RAP1GAP2: variants seen among roughly 807,000 people sequenced by gnomAD.
RAP1GAP2 encodes the protein RAP1 GTPase activating protein 2.
Under a neutral mutation model 95.0 loss-of-function variants are expected in RAP1GAP2, and 27 were observed. The observed-to-expected ratio is 0.28, with a 90% CI of 0.21 to 0.39. The LOEUF (loss-of-function observed/expected upper bound fraction) is 0.39. RAP1GAP2 is among the 10% of genes least tolerant of loss of function. The pLI is 1.00. For missense variants in RAP1GAP2, 771 were observed against 970.0 expected (o/e 0.79, Z 2.72); for synonymous variants, 373 against 380.9 (o/e 0.98, Z 0.24).
intron 3 of RAP1GAP2, among the ~76,000 whole-genome samples, chr17:2,948,581 G>T (rs879462745): frequency 3.2e-4 from 48 of 149,380 alleles, no homozygotes; most frequent in Admixed American, 1.6e-3. Context: ...GGACTCGGGT[G>T]CAACAAGAGG....
intron 3 of RAP1GAP2, among the ~76,000 whole-genome samples, chr17:2,942,724 T>C (rs2151434725): frequency 6.6e-6 from 1 of 152,322 alleles, no homozygotes; most frequent in East Asian, 1.9e-4. Context: ...CGTTTAGTAC[T>C]TTTGTGATGT....
chr17:3,009,769 G>A (rs7225656), intron 17 of RAP1GAP2, among the ~76,000 whole-genome samples: 64,531 of 151,884 alleles, frequency 0.42, 14,037 homozygotes, highest in Middle Eastern at 0.58. Context: ...GTGGGAGCCC[G>A]GGTGAAATAG....
In RAP1GAP2 at chr17:2,904,710, C is replaced by T. The variant is rs1031555918; in HGVS notation, c.81-574C>T. Among the ~76,000 whole-genome samples the T allele has an allele frequency of 1.3e-5, 2 of 152,030 alleles. No homozygotes were observed. The highest frequency in any genetic ancestry group is 2.1e-4 in the South Asian group (1 of 4,826). Reference sequence around the variant, plus strand: ...GAATGACCTGGAGAGCTCGTTGGAGCGCAGGTTCCTGGGCTCATCACTGGA... The same window carrying T: ...GAATGACCTGGAGAGCTCGTTGGAGTGCAGGTTCCTGGGCTCATCACTGGA... On this transcript the variant is annotated intron_variant, in intron 2 of 24. Transcript: ENST00000254695. This position sits in a 1 kb window ranked among gnomAD's most constrained non-coding sequence, Gnocchi z 4.7.
At chr17:2,835,154 C>T (rs1022104245) in intron 2 of RAP1GAP2, among the ~76,000 whole-genome samples, 1 of 151,368 alleles carries the variant, frequency 6.6e-6, no homozygotes, top group African/African-American at 2.4e-5. Context: ...GATCTCCTGA[C>T]CTTGTGATCC....
intron 16 of RAP1GAP2, among the ~76,000 whole-genome samples, chr17:3,007,267 G>C (rs1227887683): frequency 6.6e-6 from 1 of 152,190 alleles, no homozygotes; most frequent in East Asian, 1.9e-4. Flanking sequence ...TTAGGCAGGA[G>C]AGTGAGGGGC....
At chr17:2,858,191 G>T (rs2072226827) in intron 2 of RAP1GAP2, among the ~76,000 whole-genome samples, 1 of 152,182 alleles carries the variant, frequency 6.6e-6, no homozygotes, top group South Asian at 2.1e-4. Context: ...TAGCATAAAT[G>T]AAAACAAGTC....
intron 2 of RAP1GAP2, among the ~76,000 whole-genome samples, chr17:2,822,645 T>G (rs545820041): frequency 1.8e-4 from 27 of 150,036 alleles, no homozygotes; most frequent in Admixed American, 2.6e-4. Flanking sequence ...TTTTTTTTTT[T>G]TTTTTAAGAA....
chr17:2,772,865 T>TATTATA (rs1291361669), upstream of RAP1GAP2, among the ~76,000 whole-genome samples: 37 of 148,694 alleles, frequency 2.5e-4, no homozygotes, highest in African/African-American at 8.6e-4. Flanking sequence ...CTTTTTTTTT[T>TATTATA]TTTTTTTTTT....
chr17:2,775,689 T>C (rs2068483684), upstream of RAP1GAP2, among the ~76,000 whole-genome samples: 1 of 152,114 alleles, frequency 6.6e-6, no homozygotes. Context: ...TGCCTGAGGA[T>C]GGAGTGGGCT....
intron 3 of RAP1GAP2, among the ~76,000 whole-genome samples, chr17:2,940,118 C>A (rs1303387924): frequency 6.6e-6 from 1 of 152,114 alleles, no homozygotes; most frequent in Non-Finnish European, 1.5e-5. Context: ...CCGTCCAGGC[C>A]CTGCTGCCTG....
intron 2 of RAP1GAP2, among the ~76,000 whole-genome samples, chr17:2,862,426 G>A (rs1028010189): frequency 1.2e-4 from 18 of 152,064 alleles, no homozygotes; most frequent in African/African-American, 4.3e-4. Context: ...AGGCCTGTTC[G>A]GTGAAATCAA....
intron 3 of RAP1GAP2, among the ~76,000 whole-genome samples, chr17:2,922,826 G>GTTTTTTT (rs138075669): frequency 2.1e-5 from 2 of 93,728 alleles, no homozygotes; most frequent in Non-Finnish European, 3.8e-5. Context: ...TTTTCTTTTT[G>GTTTTTTT]TTTTTGTTTT....
chr17:2,942,691 T>A (rs1597674672), intron 3 of RAP1GAP2, among the ~76,000 whole-genome samples: 1 of 152,190 alleles, frequency 6.6e-6, no homozygotes, highest in Admixed American at 6.6e-5. Context: ...AAATTAATGA[T>A]CTTAAAGTGA....
At chr17:2,982,271 T>C (rs754368945) in intron 10 of RAP1GAP2, among the ~76,000 whole-genome samples, 1 of 152,198 alleles carries the variant, frequency 6.6e-6, no homozygotes. Flanking sequence ...CCCAAGTAGC[T>C]GGGACTACAG....
Position 2,945,632 on chromosome 17 carries a change from G to A in RAP1GAP2, c.166-12127G>A, listed in dbSNP as rs551488891. The stretch of plus-strand genomic sequence containing the variant: ...TCTTTTTTTTTTTAATGCCTTTTAT[G>A]TCAAGGAAGTTCCCTTTTATTCTTA... On this transcript the variant is annotated intron_variant, in intron 3 of 24. Coordinates refer to ENST00000254695, the MANE Select transcript of RAP1GAP2 (RefSeq NM_015085.5). 1.2e-3 allele frequency among the ~76,000 whole-genome samples: 180 copies of A among 150,882 alleles called. 6 individuals are homozygous for A. The South Asian group carries it at 0.035, about 30-fold the overall frequency.
intron 11 of RAP1GAP2, among the ~76,000 whole-genome samples, chr17:2,987,746 A>G (rs2045605563): frequency 6.6e-6 from 1 of 152,236 alleles, no homozygotes; most frequent in African/African-American, 2.4e-5. Flanking sequence ...TCTAAAAAAA[A>G]AATACTGTAA....
chr17:2,983,394 AGTGC>A (rs2045443308), intron 10 of RAP1GAP2, among the ~76,000 whole-genome samples: 1 of 152,166 alleles, frequency 6.6e-6, no homozygotes, highest in South Asian at 2.1e-4. Context: ...TTCTCATTCA[AGTGC>A]GTTGACATGC....
chr17:2,802,443 T>G (rs6502518), intron 2 of RAP1GAP2, among the ~76,000 whole-genome samples: 2 of 152,034 alleles, frequency 1.3e-5, no homozygotes, highest in Non-Finnish European at 2.9e-5. Context: ...GATGTGGTGG[T>G]TCACGCCTGT....
chr17:3,005,259 T>A lies in RAP1GAP2; in HGVS notation c.1201-110T>A. 9.2e-7 allele frequency: 1 copy of A among 1,088,166 alleles called. No homozygotes were observed. The highest frequency in any genetic ancestry group is 1.4e-6 in the Non-Finnish European group (1 of 702,400). 67.4% of individuals were successfully genotyped at this position (1,088,166 alleles called of 1,614,324 possible). A position where few individuals can be genotyped will look rare whatever the true frequency, so the allele number is the denominator to read the frequency against. On this transcript the variant is annotated intron_variant, in intron 14 of 24. Transcript: ENST00000254695. This position sits in a 1 kb window ranked among gnomAD's most constrained non-coding sequence, Gnocchi z 5.2. The stretch of plus-strand genomic sequence containing the variant: ...TCACAGGAGTATTTTGTTTGTGTTC[T>A]GGGAAGAGGAGGAGGGAGAAGGTGA...
Sources: allele counts gnomAD v4.1 joint callset (sites outside exome capture counted in the v4.1 genomes callset), GRCh38; gene constraint gnomAD v4.1.1; non-coding constraint Gnocchi (gnomAD v3.1); transcripts MANE v1.5; gene names NCBI Gene and HGNC (gene_info 2026-07-23, HGNC 2026-07-21).